USP34: variants seen among roughly 807,000 people sequenced by gnomAD.
USP34 encodes ubiquitin carboxyl-terminal hydrolase 34.
USP34 carries 70 observed loss-of-function variants against 460.3 expected under a neutral mutation model. The observed-to-expected ratio is 0.15, with a 90% CI of 0.13 to 0.19. The LOEUF is 0.19. Among genes scored for constraint, USP34 ranks in the 10% least tolerant of loss-of-function variants. The probability of loss-of-function intolerance (pLI) is 1.00; values close to 1 mark genes in which losing one functional copy is unlikely to be tolerated. For synonymous variants in USP34, 1,647 were observed against 1,405.3 expected, an observed-to-expected ratio of 1.17 and a Z score of -3.85; for missense variants, 3,985 against 4,236.2, an observed-to-expected ratio of 0.94 and a Z score of 1.65.
At position 61,319,344 on chromosome 2, in the gene USP34, A is replaced by G. The variant is rs764202330; in HGVS notation, c.3014-17T>C. 196 of 1,500,736 alleles carry G rather than the reference A, an allele frequency of 1.3e-4. No homozygotes were observed. The highest frequency in any genetic ancestry group is 1.7e-4 in the Non-Finnish European group (191 of 1,129,790). 93.0% of individuals were successfully genotyped at this position (1,500,736 alleles called of 1,614,324 possible). A position where few individuals can be genotyped will look rare whatever the true frequency, so the allele number is the denominator to read the frequency against. On this transcript the variant is annotated splice_polypyrimidine_tract_variant and intron_variant, in intron 21 of 79. Transcript: ENST00000398571. ...AACTTAACCCTAGATAAAAATTATAAATTTTATACTTTATTAACTACATAC... is the reference window on the plus strand; with the variant it reads ...AACTTAACCCTAGATAAAAATTATAGATTTTATACTTTATTAACTACATAC...
rs1453264913 is a variant in USP34 at position 61,405,801 on chromosome 2, C to T, written c.459G>A (p.Glu153=). 1.2e-6 allele frequency: 2 copies of T among 1,609,580 alleles called. No homozygotes were observed. The highest frequency in any genetic ancestry group is 2.2e-5 in the South Asian group (2 of 89,930). Residue 153 remains glutamate, a synonymous_variant, in exon 3 of 80, where the codon GAG becomes GAA. Coordinates refer to ENST00000398571, the MANE Select transcript of USP34 (RefSeq NM_014709.4). ...CCACACATAGTAAGAGTTTTTCCTT[C>T]TCATCTGTACTCCATAAACTAAAAG... ...SDPFSLWSTD[E]KEKLLLCVAK...
At position 61,257,128 on chromosome 2, in the gene USP34, A is replaced by C; in HGVS notation, c.5992-20T>G. ...ATTTTTCTTTAATATAAAACAAACA[A>C]AAAATAAGAAACTAGTTAAAACGCA... On this transcript the variant is annotated intron_variant, in intron 45 of 79. Coordinates refer to ENST00000398571, the MANE Select transcript of USP34 (RefSeq NM_014709.4). The C allele has an allele frequency of 1.9e-6, 3 of 1,572,190 alleles. No homozygotes were observed. The highest frequency in any genetic ancestry group is 2.1e-5 in the Admixed American group (1 of 48,764).
At chr2:61,294,713 C>G (rs1038012578) in intron 32 of USP34, among the ~76,000 whole-genome samples, 6 of 152,128 alleles carry the variant, frequency 3.9e-5, no homozygotes, top group African/African-American at 1.2e-4. Flanking sequence ...AGCCACCATG[C>G]CAGGACTCTC....
chr2:61,255,867 C>G (rs1283242504), intron 48 of USP34, among the ~76,000 whole-genome samples: 1 of 152,154 alleles, frequency 6.6e-6, no homozygotes, highest in East Asian at 1.9e-4. Flanking sequence ...TCAAGTAACC[C>G]TTATTTGACT....
chr2:61,298,379 A>C (rs1056664325), intron 29 of USP34, among the ~76,000 whole-genome samples: 3 of 145,018 alleles, frequency 2.1e-5, no homozygotes, highest in Non-Finnish European at 3.0e-5. Flanking sequence ...AAAAAAAAAA[A>C]AAAAAAAAAC....
intron 48 of USP34, among the ~76,000 whole-genome samples, chr2:61,249,581 C>T (rs1394363229): frequency 6.6e-6 from 1 of 152,192 alleles, no homozygotes; most frequent in Non-Finnish European, 1.5e-5. Flanking sequence ...CTTATTAAAA[C>T]TATACAGTCA....
At chr2:61,284,279 A>G (rs1291750045) in intron 35 of USP34, among the ~76,000 whole-genome samples, 1 of 152,210 alleles carries the variant, frequency 6.6e-6, no homozygotes, top group Non-Finnish European at 1.5e-5. Flanking sequence ...TAAAAAATAC[A>G]TAATCTGAAT....
intron 75 of USP34, among the ~76,000 whole-genome samples, chr2:61,195,839 A>G (rs1265913226): frequency 1.3e-5 from 2 of 152,090 alleles, no homozygotes; most frequent in Non-Finnish European, 2.9e-5. Context: ...ATGGGCAAGC[A>G]GACTGTATAC....
intron 8 of USP34, 146 bp from the exon 9 acceptor site, chr2:61,370,725 G>C: frequency 3.0e-6 from 2 of 659,878 alleles, no homozygotes; most frequent in East Asian, 5.5e-5. Context: ...ATACTACAAA[G>C]CATAACTAGA....
At chr2:61,300,442 C>T (rs1185980047) in intron 29 of USP34, among the ~76,000 whole-genome samples, 1 of 151,458 alleles carries the variant, frequency 6.6e-6, no homozygotes, top group Non-Finnish European at 1.5e-5. Flanking sequence ...CCATCTCAGC[C>T]TCCCAAAGTG....
intron 1 of USP34, among the ~76,000 whole-genome samples, chr2:61,455,785 T>C (rs1695420010): frequency 6.6e-6 from 1 of 152,238 alleles, no homozygotes; most frequent in Admixed American, 6.6e-5. Flanking sequence ...ATGCTAGCAC[T>C]GCGTTAAATG....
intron 10 of USP34, among the ~76,000 whole-genome samples, chr2:61,352,776 A>G (rs1028146683): frequency 1.7e-4 from 26 of 152,088 alleles, no homozygotes; most frequent in Admixed American, 6.6e-5. Context: ...TGGCAGCAGC[A>G]GAGGAGGAGG....
At chr2:61,357,338 G>A (rs1041348673) in intron 10 of USP34, among the ~76,000 whole-genome samples, 1 of 151,990 alleles carries the variant, frequency 6.6e-6, no homozygotes, top group Non-Finnish European at 1.5e-5. Context: ...ACAGTCAAAG[G>A]ATCAAAAATG....
chr2:61,370,061 A>G (rs963342691), intron 10 of USP34, among the ~76,000 whole-genome samples: 2 of 151,692 alleles, frequency 1.3e-5, no homozygotes, highest in African/African-American at 4.8e-5. Context: ...GGTAGACTGT[A>G]TAAATGAGAA....
At position 61,348,080 on chromosome 2, in the gene USP34, A is replaced by G; in HGVS notation, c.2075T>C (p.Leu692Pro). Residue 692 changes from leucine to proline, a missense_variant, in exon 15 of 80, where the codon CTG (leucine) becomes CCG (proline). Leu to Pro is a moderately conservative substitution (Grantham distance 98, BLOSUM62 -3). This residue lies in a region of USP34 where 716 missense variants were observed against 626.2 expected (regional missense o/e 1.14). Transcript: ENST00000398571. Reference sequence around the variant, plus strand: ...GTCTTCAGAGTGTGAACAAGCATCCAGCATTCGCATTCGATTATCTACTGA... The same window carrying G: ...GTCTTCAGAGTGTGAACAAGCATCCGGCATTCGCATTCGATTATCTACTGA... ...LPSVDNRMRM[L>P]DACSHSEDPE... 5 of 1,614,214 alleles carry G rather than the reference A, an allele frequency of 3.1e-6. No homozygotes were observed. The highest frequency in any genetic ancestry group is 4.2e-6 in the Non-Finnish European group (5 of 1,180,032).
intron 75 of USP34, 56 bp from the exon 76 acceptor site, chr2:61,193,036 TACTC>T: frequency 7.3e-7 from 1 of 1,360,560 alleles, no homozygotes; most frequent in East Asian, 2.5e-5. Context: ...ACTAGTGAGA[TACTC>T]AACTCTGCAG....
Position 61,241,605 on chromosome 2 carries a change from T to C in USP34, c.6732A>G (p.Glu2244=). 1 of 1,610,922 alleles carries C rather than the reference T, an allele frequency of 6.2e-7. No individual in the cohort carries two copies. Among genetic ancestry groups the C allele is most frequent in the Non-Finnish European group, 8.5e-7 (1 of 1,179,112 alleles). ...LFYKRMEPEE[E]NGREYKFDVS... ...CATCAAATTTGTATTCTCTGCCATT[T>C]TCTTCCTCTGGTTCCATGCGTTTGT... The change falls in exon 53 of 80, where the codon GAA becomes GAG. Residue 2244 remains glutamate, a synonymous_variant. Transcript: ENST00000398571.
intron 2 of USP34, among the ~76,000 whole-genome samples, chr2:61,411,147 G>A (rs1694024375): frequency 6.6e-6 from 1 of 152,108 alleles, no homozygotes; most frequent in Non-Finnish European, 1.5e-5. Flanking sequence ...CACTTTGGGG[G>A]GCAGAGGCAG....
Position 61,228,933 on chromosome 2 carries a change from A to T in USP34, c.7262T>A (p.Val2421Glu). The change falls in exon 60 of 80, where the codon GTG (valine) becomes GAG (glutamate). Residue 2421 changes from valine (V) to glutamate (E), a missense_variant. Physicochemically the swap from Val to Glu is moderately radical, Grantham distance 121. Coordinates refer to ENST00000398571, the MANE Select transcript of USP34 (RefSeq NM_014709.4). ...IGGRSCVTRF[V>E]RTLLLIMEHG... ...TTCCATAATTAATAACAGGGTTCTC[A>T]CAAAGCGAGTGACACATGAACGACC... 1 of 1,610,446 alleles carries T rather than the reference A, an allele frequency of 6.2e-7. No homozygotes were observed. The highest frequency in any genetic ancestry group is 8.5e-7 in the Non-Finnish European group (1 of 1,178,100).
Sources: gnomAD v4.1 joint callset for allele counts (sites outside exome capture counted in the v4.1 genomes callset) on GRCh38, gnomAD v4.1.1 for gene constraint, gnomAD v4.1.1 regional missense constraint, MANE v1.5 for transcripts, NCBI Gene and HGNC (gene_info 2026-07-23, HGNC 2026-07-21) for gene names.